ITGA3: variants seen among roughly 807,000 people sequenced by gnomAD.
The protein encoded by ITGA3 is integrin alpha-3.
ITGA3 carries 70 observed loss-of-function variants against 131.1 expected under a neutral mutation model. That is an observed-to-expected ratio of 0.53 (90% CI 0.44 to 0.65). The LOEUF (loss-of-function observed/expected upper bound fraction) is 0.65, where lower values mean the gene tolerates loss of function less well. Among genes scored for constraint, ITGA3 ranks in the 30% least tolerant of loss-of-function variants. The pLI is 0.00. For synonymous variants in ITGA3, 537 were observed against 571.6 expected (o/e 0.94, Z 0.86); for missense variants, 1,098 against 1,388.6 (o/e 0.79, Z 3.33).
At chr17:50,072,305 C>T in intron 7 of ITGA3, 123 bp downstream of exon 7, 1 of 879,074 alleles carries the variant, frequency 1.1e-6, no homozygotes, top group Non-Finnish European at 1.8e-6. Flanking sequence ...CAGGATGGGG[C>T]CGGACCTGGG....
Position 50,064,138 on chromosome 17 carries a change from G to GCTGTGTAC in ITGA3, c.274_281dup (p.Pro95ThrfsTer15). The GCTGTGTAC allele has an allele frequency of 6.2e-7, 1 of 1,612,312 alleles. No homozygotes were observed. Among genetic ancestry groups the GCTGTGTAC allele is most frequent in the Non-Finnish European group, 8.5e-7 (1 of 1,179,454 alleles). On this transcript the variant is annotated frameshift_variant, in exon 2 of 26. Transcript: ENST00000320031. LOFTEE classifies it high-confidence loss of function. This position sits in a 1 kb window ranked among gnomAD's most constrained non-coding sequence, Gnocchi z 4.4. ...CGATGGCTACACCAACCGGACTGGT[G>GCTGTGTAC]CTGTGTACCTGTGCCCACTCACTGC...
intron 1 of ITGA3, among the ~76,000 whole-genome samples, chr17:50,061,304 T>C (rs1044630767): frequency 2.0e-5 from 3 of 152,022 alleles, no homozygotes; most frequent in African/African-American, 7.2e-5. Flanking sequence ...CTGATTGACA[T>C]GCGTGCCCAG....
In ITGA3 at chr17:50,090,204, G is replaced by A. The variant is rs1416551918; in HGVS notation, c.*1126G>A. ...ACCCCATCCAGCCAGACCCCACGCT[G>A]ACCATGCGTCAGGGGCCTAGAGGTG... On this transcript the variant is annotated 3_prime_UTR_variant, in exon 26 of 26. Transcript: ENST00000320031. The A allele has an allele frequency of 2.2e-6, 1 of 456,430 alleles. No homozygotes were observed. Among genetic ancestry groups the A allele is most frequent in the Admixed American group, 2.3e-5 (1 of 42,576 alleles). 28.3% of individuals were successfully genotyped at this position (456,430 alleles called of 1,614,324 possible).
chr17:50,086,637 C>G (rs747399931), intron 23 of ITGA3: 6 of 136,336 alleles, frequency 4.4e-5, no homozygotes. Context: ...TGCAGTGAGC[C>G]GAGATTGTGC....
chr17:50,074,088 A>T, intron 8 of ITGA3, 56 bp from the exon 9 acceptor site: 1 of 1,557,730 alleles, frequency 6.4e-7, no homozygotes, highest in East Asian at 2.2e-5. Context: ...CCTTCCCTGT[A>T]GCCCCCTGGG....
chr17:50,078,764 C>T, intron 18 of ITGA3, 60 bp from the exon 19 acceptor site: 2 of 981,192 alleles, frequency 2.0e-6, no homozygotes, highest in South Asian at 1.4e-5. Context: ...GTGCCCACCC[C>T]CCTCTGCCAG....
At chr17:50,065,286 G>A (rs1261819533) in intron 3 of ITGA3, 1 of 152,200 alleles carries the variant, frequency 6.6e-6, no homozygotes, top group African/African-American at 2.4e-5. Context: ...TTAACTCTGT[G>A]TTCTTCGTGT....
chr17:50,079,011 G>A (rs1009601551), intron 19 of ITGA3, 65 bp from the exon 20 acceptor site: 4 of 1,536,626 alleles, frequency 2.6e-6, no homozygotes, highest in Non-Finnish European at 3.6e-6. Context: ...TGGGAGGGTT[G>A]GGGGTTGGTA....
In ITGA3 at chr17:50,056,494, C is replaced by G. The variant is rs1907822819; in HGVS notation, c.55C>G (p.Leu19Val). The G allele has an allele frequency of 1.9e-6, 3 of 1,549,796 alleles. No homozygotes were observed. Among genetic ancestry groups the G allele is most frequent in the Non-Finnish European group, 2.6e-6 (3 of 1,146,882 alleles). Residue 19 changes from leucine (L) to valine (V), a missense_variant, in exon 1 of 26, where the codon CTC (leucine) becomes GTC (valine). Physicochemically the swap from Leu to Val is conservative, Grantham distance 32. Coordinates refer to ENST00000320031, the MANE Select transcript of ITGA3 (RefSeq NM_002204.4). The surrounding 1 kb of genome is among the most constrained non-coding windows in gnomAD (Gnocchi z 5.6). Reference sequence around the variant, plus strand: ...CGCCCCACGCCTGATGCTCTGTGCGCTCGCCTTGATGGTGGCGGCCGGCGG... The same window carrying G: ...CGCCCCACGCCTGATGCTCTGTGCGGTCGCCTTGATGGTGGCGGCCGGCGG... ...PRAPRLMLCA[L>V]ALMVAAGGCV...
At position 50,056,216 on chromosome 17, in the gene ITGA3, G is replaced by T. The variant is rs1488212127; in HGVS notation, c.-224G>T. On this transcript the variant is annotated 5_prime_UTR_variant, in exon 1 of 26. Coordinates refer to ENST00000320031, the MANE Select transcript of ITGA3 (RefSeq NM_002204.4). This position sits in a 1 kb window ranked among gnomAD's most constrained non-coding sequence, Gnocchi z 5.6. ...GGGCAGGGACGGCGGCGACCCGGCCGCTGGGGAGGCAGGAAGATAGACCCA... is the reference window on the plus strand; with the variant it reads ...GGGCAGGGACGGCGGCGACCCGGCCTCTGGGGAGGCAGGAAGATAGACCCA... 16 of 437,380 alleles carry T rather than the reference G, an allele frequency of 3.7e-5. 1 individual carries two copies. The South Asian group carries it at 6.0e-4, about 16-fold the overall frequency. The allele number at this position is 437,380 out of a possible 1,614,324, so 27.1% of individuals were successfully genotyped here.
At position 50,064,626 on chromosome 17, in the gene ITGA3, T is replaced by C; in HGVS notation, c.414+19T>C. 6.2e-7 allele frequency: 1 copy of C among 1,603,614 alleles called. No homozygotes were observed. Among genetic ancestry groups the C allele is most frequent in the Non-Finnish European group, 8.5e-7 (1 of 1,174,508 alleles). ...AGTTCTGGTAAGTGGGTGCTCAGTGTTGGCTCCTCCACCTCTACCCGGCTC... is the reference window on the plus strand; with the variant it reads ...AGTTCTGGTAAGTGGGTGCTCAGTGCTGGCTCCTCCACCTCTACCCGGCTC... On this transcript the variant is annotated intron_variant, in intron 3 of 25. Coordinates refer to ENST00000320031, the MANE Select transcript of ITGA3 (RefSeq NM_002204.4). The surrounding 1 kb of genome is among the most constrained non-coding windows in gnomAD (Gnocchi z 4.4).
chr17:50,079,600 A>C (rs752066457), intron 21 of ITGA3, 43 bp downstream of exon 21: 3 of 1,474,448 alleles, frequency 2.0e-6, no homozygotes, highest in Admixed American at 2.5e-5. Context: ...CATCCACCCC[A>C]TCACAGGGTG....
chr17:50,085,074 C>T (rs963755552), intron 23 of ITGA3, among the ~76,000 whole-genome samples: 19 of 150,636 alleles, frequency 1.3e-4, no homozygotes, highest in African/African-American at 3.9e-4. Flanking sequence ...TGGTGGCGGG[C>T]GCCTGTAATC....
chr17:50,064,706 C>A lies in ITGA3; in HGVS notation c.414+99C>A. ...AAGAGGGCAGCAGGGGGGTCCACGG[C>A]GCGTGTGTGCTGGGGCCTGCACACA... On this transcript the variant is annotated intron_variant, in intron 3 of 25. Coordinates refer to ENST00000320031, the MANE Select transcript of ITGA3 (RefSeq NM_002204.4). This position sits in a 1 kb window ranked among gnomAD's most constrained non-coding sequence, Gnocchi z 4.4. The A allele has an allele frequency of 2.1e-6, 2 of 956,976 alleles. No individual in the cohort carries two copies. Among genetic ancestry groups the A allele is most frequent in the Non-Finnish European group, 3.2e-6 (2 of 628,482 alleles). The allele number at this position is 956,976 out of a possible 1,614,324, so 59.3% of individuals were successfully genotyped here.
chr17:50,056,578 A>G lies in ITGA3; in HGVS notation c.139A>G (p.Asn47Asp). 1.9e-6 allele frequency: 3 copies of G among 1,587,988 alleles called. No homozygotes were observed. In the South Asian group the frequency reaches 3.4e-5, roughly 18 times the overall value. The change falls in exon 1 of 26, where the codon AAC (asparagine) becomes GAC (aspartate). Residue 47 changes from asparagine (N) to aspartate (D), a missense_variant. This residue lies in a region of ITGA3 where 356 missense variants were observed against 529.2 expected (regional missense o/e 0.67). Coordinates refer to ENST00000320031, the MANE Select transcript of ITGA3 (RefSeq NM_002204.4). The surrounding 1 kb of genome is among the most constrained non-coding windows in gnomAD (Gnocchi z 5.6). Reference protein sequence around the residue: ...TRFLVVKEAGNPGSLFGYSVA... With the variant: ...TRFLVVKEAGDPGSLFGYSVA... The stretch of plus-strand genomic sequence containing the variant: ...ATTCCTGGTAGTGAAGGAGGCCGGG[A>G]ACCCGGGCAGCCTCTTCGGCTACTC...
In ITGA3 at chr17:50,076,380, C is replaced by T; in HGVS notation, c.1729C>T (p.Pro577Ser). 1 of 1,613,620 alleles carries T rather than the reference C, an allele frequency of 6.2e-7. No individual in the cohort carries two copies. The highest frequency in any genetic ancestry group is 8.5e-7 in the Non-Finnish European group (1 of 1,179,998). ...PIIISMNYSLPLRMPDRPRLG... is the reference protein window; with the variant it reads ...PIIISMNYSLSLRMPDRPRLG... ...CATCATCTCCATGAACTACTCTTTACCTTTGCGGATGCCCGATCGCCCCCG... is the reference window on the plus strand; with the variant it reads ...CATCATCTCCATGAACTACTCTTTATCTTTGCGGATGCCCGATCGCCCCCG... The change falls in exon 13 of 26, where the codon CCT becomes TCT. Residue 577 changes from proline (P) to serine (S), a missense_variant. Physicochemically the swap from Pro to Ser is moderately conservative, Grantham distance 74 (BLOSUM62 -1). Around this residue, in one of 3 missense-constraint regions of ITGA3, gnomAD observed 699 missense variants for 829.2 expected, o/e 0.84. Coordinates refer to ENST00000320031, the MANE Select transcript of ITGA3 (RefSeq NM_002204.4).
Position 50,072,063 on chromosome 17 carries a change from T to C in ITGA3, c.1037T>C (p.Met346Thr). The C allele has an allele frequency of 1.2e-6, 2 of 1,614,114 alleles. No individual in the cohort carries two copies. The highest frequency in any genetic ancestry group is 1.7e-6 in the Non-Finnish European group (2 of 1,180,006). The change falls in exon 7 of 26, where the codon ATG becomes ACG. Residue 346 changes from methionine to threonine, a missense_variant. Physicochemically the swap from Met to Thr is moderately conservative, Grantham distance 81. This residue lies in a region of ITGA3 where 356 missense variants were observed against 529.2 expected (regional missense o/e 0.67). Transcript: ENST00000320031. ...GTAGGGGGTGCCATCTATGTCTTCA[T>C]GAACCAGGCGGGAACCTCCTTCCCT... ...EEVGGAIYVF[M>T]NQAGTSFPAH...
At chr17:50,080,146 C>T in intron 21 of ITGA3, 116 bp from the exon 22 acceptor site, 1 of 604,380 alleles carries the variant, frequency 1.7e-6, no homozygotes, top group Non-Finnish European at 2.9e-6. Flanking sequence ...AAGTCAGACC[C>T]CTTTGGGTCA....
Position 50,077,089 on chromosome 17 carries a change from C to G in ITGA3, c.2038C>G (p.Pro680Ala), listed in dbSNP as rs1263593458. 2.5e-6 allele frequency: 4 copies of G among 1,577,800 alleles called. No homozygotes were observed. Among genetic ancestry groups the G allele is most frequent in the Admixed American group, 1.8e-5 (1 of 56,294 alleles). The change falls in exon 15 of 26, where the codon CCT becomes GCT. Residue 680 changes from proline (P) to alanine (A), a missense_variant. Coordinates refer to ENST00000320031, the MANE Select transcript of ITGA3 (RefSeq NM_002204.4). Reference protein sequence around the residue: ...AHEALLTLVVPPALLLSSVRP... With the variant: ...AHEALLTLVVAPALLLSSVRP... ...CGAGGCGCTGCTCACCCTGGTGGTGCCTCCCGCCCTGCTGCTGTCCTCAGT... is the reference window on the plus strand; with the variant it reads ...CGAGGCGCTGCTCACCCTGGTGGTGGCTCCCGCCCTGCTGCTGTCCTCAGT...
Sources: allele counts gnomAD v4.1 joint callset (sites outside exome capture counted in the v4.1 genomes callset), GRCh38; gene constraint gnomAD v4.1.1; regional missense constraint gnomAD v4.1.1; non-coding constraint Gnocchi (gnomAD v3.1); transcripts MANE v1.5; gene names NCBI Gene and HGNC (gene_info 2026-07-23, HGNC 2026-07-21).